Variants in USP39 observed in about 807,000 individuals in gnomAD.
USP39 encodes the protein ubiquitin specific peptidase 39, also known as ubiquitin carboxyl-terminal hydrolase 39.
A neutral mutation model predicts 66.4 loss-of-function variants in USP39; 38 were observed. That is an observed-to-expected ratio of 0.57 (90% confidence interval 0.44 to 0.75). The LOEUF (loss-of-function observed/expected upper bound fraction) is 0.75. USP39 is among the 30% of genes least tolerant of loss of function. USP39 has a pLI of 0.00. For missense variants in USP39, 608 were observed against 714.4 expected, an observed-to-expected ratio of 0.85 and a Z score of 1.70; for synonymous variants, 303 against 274.6, an observed-to-expected ratio of 1.10 and a Z score of -1.02.
At position 85,639,268 on chromosome 2, in the gene USP39, T is replaced by A; in HGVS notation, c.1161T>A (p.Thr387=). ...ACCAGGAGACAATGGTGGAGTCCAC[T>A]TTTATGTACCTGACGCTGGACCTTC... is the stretch of plus-strand genomic sequence containing the variant. The part of the protein sequence containing the change: ...DEYQETMVES[T]FMYLTLDLPT... The change falls in exon 9 of 13, where the codon ACT becomes ACA. Residue 387 remains threonine (T), a synonymous_variant. Transcript: ENST00000323701. 1.2e-6 allele frequency: 2 copies of A among 1,614,024 alleles called. No individual in the cohort carries two copies. The highest frequency in any genetic ancestry group is 1.7e-6 in the Non-Finnish European group (2 of 1,180,008).
intron 5 of USP39, 79 bp from the exon 6 acceptor site, chr2:85,630,642 G>A: frequency 5.0e-6 from 7 of 1,387,428 alleles, no homozygotes; most frequent in Non-Finnish European, 7.0e-6. Context: ...AATTCTATTA[G>A]GAGAACTTTA....
chr2:85,630,574 G>A, intron 5 of USP39, 147 bp from the exon 6 acceptor site: 2 of 684,216 alleles, frequency 2.9e-6, no homozygotes, highest in Non-Finnish European at 5.0e-6. Flanking sequence ...AGCCTGGGTA[G>A]GATTCTCCAA....
chr2:85,645,277 CTTTTTT>C, intron 11 of USP39, 194 bp downstream of exon 11: 10 of 367,232 alleles, frequency 2.7e-5, no homozygotes, highest in Middle Eastern at 8.3e-4. Context: ...ACCTTGGGAG[CTTTTTT>C]TTTTTTTTTT....
upstream of USP39, among the ~76,000 whole-genome samples, chr2:85,613,114 C>G (rs1194970229): frequency 2.0e-5 from 3 of 152,074 alleles, no homozygotes; most frequent in Non-Finnish European, 4.4e-5. Context: ...AATTCCAAAA[C>G]TTTGGGATGC....
At chr2:85,647,104 G>T (rs1266775529) in intron 11 of USP39, among the ~76,000 whole-genome samples, 1 of 152,046 alleles carries the variant, frequency 6.6e-6, no homozygotes, top group Non-Finnish European at 1.5e-5. Flanking sequence ...GGCCAGGCTG[G>T]TCTCAAACTC....
At chr2:85,618,117 G>T (rs566554973) in intron 1 of USP39, among the ~76,000 whole-genome samples, 1 of 152,126 alleles carries the variant, frequency 6.6e-6, no homozygotes, top group East Asian at 2.0e-4. Flanking sequence ...ACCATGCCCG[G>T]CTAATTTTTG....
chr2:85,610,416 C>T (rs1443327553), upstream of USP39: 1 of 152,178 alleles, frequency 6.6e-6, no homozygotes, highest in Non-Finnish European at 1.5e-5. Context: ...ACACAATGCA[C>T]ATTTGTCTAG....
rs780396556 is a variant in USP39 at position 85,621,437 on chromosome 2, C to T, written c.339-48C>T. 1.5e-5 allele frequency: 24 copies of T among 1,559,718 alleles called. 1 individual carries two copies. Among genetic ancestry groups the T allele is most frequent in the Middle Eastern group, 1.7e-4 (1 of 5,974 alleles). On this transcript the variant is annotated intron_variant, in intron 2 of 12. Transcript: ENST00000323701. ...AGCCAGCACTGCTTCATTTGCGTGC[C>T]TTCCTACATGTCCATCCTATTTATT...
At chr2:85,637,560 T>C in intron 8 of USP39, 124 bp downstream of exon 8, 1 of 998,072 alleles carries the variant, frequency 1.0e-6, no homozygotes. Context: ...ACAAAGCACC[T>C]GCCTAGTGGC....
chr2:85,620,774 A>G (rs1251345573), intron 2 of USP39, among the ~76,000 whole-genome samples: 1 of 152,130 alleles, frequency 6.6e-6, no homozygotes, highest in East Asian at 1.9e-4. Context: ...AGTGGCCTCT[A>G]ATAAATTAGA....
rs1675749086 is a variant in USP39 at position 85,636,115 on chromosome 2, A to G, written c.1012A>G (p.Lys338Glu). The G allele has an allele frequency of 1.2e-6, 2 of 1,613,622 alleles. No individual in the cohort carries two copies. Among genetic ancestry groups the G allele is most frequent in the East Asian group, 2.2e-5 (1 of 44,896 alleles). ...NALHSALGGT[K>E]KKKKTIVTDV... ...TCTGCACTCAGCTCTGGGGGGCACA[A>G]AGAAGAAAAAGAAGAGTAAGTCATT... Residue 338 changes from lysine (K) to glutamate (E), a missense_variant, in exon 7 of 13, where the codon AAG becomes GAG. Lys to Glu is a moderately conservative substitution (Grantham distance 56). This residue lies in a region of USP39 where 72 missense variants were observed against 60.1 expected (regional missense o/e 1.20). Coordinates refer to ENST00000323701, the MANE Select transcript of USP39 (RefSeq NM_006590.4).
chr2:85,632,014 T>C (rs1675387521), intron 6 of USP39, among the ~76,000 whole-genome samples: 1 of 152,146 alleles, frequency 6.6e-6, no homozygotes, highest in Non-Finnish European at 1.5e-5. Flanking sequence ...AGTGTTGGGA[T>C]TACGGGTGTG....
intron 6 of USP39, among the ~76,000 whole-genome samples, chr2:85,633,163 C>CA (rs745863605): frequency 2.0e-5 from 3 of 152,070 alleles, no homozygotes; most frequent in Non-Finnish European, 4.4e-5. Flanking sequence ...CTCTGTTGCC[C>CA]AAGCTGGAGT....
chr2:85,609,330 G>A (rs747327191), upstream of USP39: 29 of 1,478,420 alleles, frequency 2.0e-5, no homozygotes, highest in Non-Finnish European at 2.6e-5. Context: ...ATGTGGAGCA[G>A]ACGCTTCCCA....
upstream of USP39, chr2:85,616,126 C>T (rs1293249271): frequency 2.2e-6 from 3 of 1,389,474 alleles, no homozygotes; most frequent in Middle Eastern, 2.7e-4. Flanking sequence ...AGCCCCTCTC[C>T]TGATTGGCCT....
chr2:85,627,555 C>T (rs1341932691), intron 5 of USP39, among the ~76,000 whole-genome samples: 2 of 151,806 alleles, frequency 1.3e-5, no homozygotes, highest in African/African-American at 2.4e-5. Flanking sequence ...CTTTGGGAGG[C>T]CAAGGTGGCA....
At chr2:85,639,156 A>G (rs370387272) in intron 8 of USP39, 47 bp from the exon 9 acceptor site, 20 of 1,563,514 alleles carry the variant, frequency 1.3e-5, no homozygotes, top group Non-Finnish European at 1.7e-5. Context: ...GTTGGTTCCT[A>G]TACCCGTCAC....
chr2:85,643,315 C>T (rs1244599044), intron 10 of USP39, among the ~76,000 whole-genome samples: 2 of 151,846 alleles, frequency 1.3e-5, no homozygotes, highest in Admixed American at 6.6e-5. Context: ...ACGGTGAAAC[C>T]CCGTCTCTAC....
chr2:85,612,210 T>C, upstream of USP39: 1 of 1,217,240 alleles, frequency 8.2e-7, no homozygotes, highest in African/African-American at 1.5e-5. Flanking sequence ...GGAGGGCTTT[T>C]GTTTTTGTTT....
Sources: gnomAD v4.1 joint callset for allele counts (sites outside exome capture counted in the v4.1 genomes callset) on GRCh38, gnomAD v4.1.1 for gene constraint, gnomAD v4.1.1 regional missense constraint, MANE v1.5 for transcripts, NCBI Gene and HGNC (gene_info 2026-07-23, HGNC 2026-07-21) for gene names.